ABL1: variants seen among roughly 807,000 people sequenced by gnomAD.
ABL1 encodes the protein tyrosine-protein kinase ABL1.
A neutral mutation model predicts 94.7 loss-of-function variants in ABL1; 11 were observed. That is an observed-to-expected ratio of 0.12 (90% CI 0.07 to 0.19). The LOEUF (loss-of-function observed/expected upper bound fraction) is 0.19. Ranked by LOEUF, ABL1 falls within the 10% of genes least tolerant of loss-of-function variation. The pLI is 1.00. For missense variants in ABL1, 1,082 were observed against 1,489.4 expected (o/e 0.73, Z 4.50); for synonymous variants, 656 against 622.4 (o/e 1.05, Z -0.80).
At chr9:130,834,828 G>A, upstream of ABL1, 1 of 452,028 alleles carries the variant, frequency 2.2e-6, no homozygotes, top group South Asian at 1.6e-5. Context: ...GTAGAAATGA[G>A]ACCAGTTAGT....
At chr9:130,849,153 C>A (rs926807160) in intron 1 of ABL1, among the ~76,000 whole-genome samples, 2 of 152,076 alleles carry the variant, frequency 1.3e-5, no homozygotes, top group African/African-American at 4.8e-5. Flanking sequence ...TTTTGAGTGG[C>A]TTTTAAAATA....
upstream of ABL1, among the ~76,000 whole-genome samples, chr9:130,831,488 G>A (rs2132896721): frequency 6.6e-6 from 1 of 152,282 alleles, no homozygotes; most frequent in East Asian, 1.9e-4. Flanking sequence ...CTAGAACTAT[G>A]CCTATCTTAA....
rs551405364 is a variant in ABL1 at position 130,759,195 on chromosome 9, A to G, written c.136+44740A>G. Among the ~76,000 whole-genome samples the G allele has an allele frequency of 1.1e-3, 167 of 152,290 alleles. 1 individual carries two copies. The highest frequency in any genetic ancestry group is 4.0e-3 in the African/African-American group (165 of 41,554). On this transcript the variant is annotated intron_variant, in intron 1 of 10. Coordinates refer to the ABL1 transcript ENST00000372348. Reference sequence around the variant, plus strand: ...CTTCCCAATTTGCTTCAAATGCCAAATGATCATAGAATGGTCAACATTGAG... The same window carrying G: ...CTTCCCAATTTGCTTCAAATGCCAAGTGATCATAGAATGGTCAACATTGAG...
intron 1 of ABL1, among the ~76,000 whole-genome samples, chr9:130,830,236 AT>A (rs1830478160): frequency 6.6e-6 from 1 of 152,120 alleles, no homozygotes; most frequent in Non-Finnish European, 1.5e-5. Context: ...CTGTAATGAG[AT>A]TTTCTAGAAA....
At chr9:130,741,633 C>A (rs73553876) in intron 1 of ABL1, among the ~76,000 whole-genome samples, 2 of 151,292 alleles carry the variant, frequency 1.3e-5, no homozygotes, top group Non-Finnish European at 2.9e-5. Flanking sequence ...GTAACAGTTA[C>A]TGCACTGATA....
At chr9:130,785,693 C>T (rs1171866640) in intron 1 of ABL1, among the ~76,000 whole-genome samples, 1 of 151,962 alleles carries the variant, frequency 6.6e-6, no homozygotes, top group East Asian at 1.9e-4. Flanking sequence ...GAGGCCAAGG[C>T]GGGCAGATCA....
intron 1 of ABL1, among the ~76,000 whole-genome samples, chr9:130,771,867 C>T (rs1355500143): frequency 4.0e-5 from 6 of 151,758 alleles, no homozygotes; most frequent in Admixed American, 1.3e-4. Context: ...AATCCTCCCA[C>T]CTCAGCCTCC....
chr9:130,804,381 G>A (rs1830097690), intron 1 of ABL1, among the ~76,000 whole-genome samples: 1 of 152,170 alleles, frequency 6.6e-6, no homozygotes, highest in Admixed American at 6.5e-5. Flanking sequence ...GAGGTCAGGA[G>A]TTCGAGACAA....
intron 1 of ABL1, among the ~76,000 whole-genome samples, chr9:130,773,091 C>T (rs982197715): frequency 6.6e-6 from 1 of 152,158 alleles, no homozygotes. Flanking sequence ...GAGGCCAAGG[C>T]GGGTGGATCA....
intron 3 of ABL1, among the ~76,000 whole-genome samples, chr9:130,858,361 T>G (rs1230940678): frequency 6.6e-6 from 1 of 152,076 alleles, no homozygotes; most frequent in Non-Finnish European, 1.5e-5. Context: ...TTTGTTTCAT[T>G]CCAGGTAGAG....
At chr9:130,793,697 A>G (rs547211466) in intron 1 of ABL1, among the ~76,000 whole-genome samples, 7 of 152,124 alleles carry the variant, frequency 4.6e-5, no homozygotes, top group East Asian at 1.9e-4. Context: ...GGGGTCCCCA[A>G]TCCCCAGGCC....
intron 1 of ABL1, among the ~76,000 whole-genome samples, chr9:130,769,792 G>C (rs1028053541): frequency 1.3e-5 from 2 of 152,056 alleles, no homozygotes; most frequent in East Asian, 3.9e-4. Flanking sequence ...TTGAGATACA[G>C]AACAGTTCTA....
At chr9:130,802,889 T>C (rs1483095692) in intron 1 of ABL1, among the ~76,000 whole-genome samples, 2 of 152,192 alleles carry the variant, frequency 1.3e-5, no homozygotes, top group Non-Finnish European at 2.9e-5. Flanking sequence ...ACAAATGTGT[T>C]TCTCTCTGAG....
intron 1 of ABL1, among the ~76,000 whole-genome samples, chr9:130,763,124 G>A (rs1229120104): frequency 1.3e-5 from 2 of 151,428 alleles, no homozygotes; most frequent in South Asian, 2.1e-4. Context: ...TTCAGCCTCA[G>A]GGCCTTTGCA....
At chr9:130,764,774 G>GGT (rs1832159179) in intron 1 of ABL1, among the ~76,000 whole-genome samples, 1 of 152,102 alleles carries the variant, frequency 6.6e-6, no homozygotes, top group African/African-American at 2.4e-5. Context: ...TGGCTAACAT[G>GGT]GTGAAACCCT....
intron 1 of ABL1, among the ~76,000 whole-genome samples, chr9:130,742,450 G>A (rs991487597): frequency 2.0e-5 from 3 of 152,168 alleles, no homozygotes; most frequent in African/African-American, 7.2e-5. Context: ...TAGATTTACA[G>A]ATGATGGGCC....
intron 1 of ABL1, among the ~76,000 whole-genome samples, chr9:130,744,071 T>C (rs1831853097): frequency 7.0e-6 from 1 of 142,838 alleles, no homozygotes; most frequent in Non-Finnish European, 1.5e-5. Context: ...ATTTATTAAC[T>C]TTTTTTTTTT....
intron 4 of ABL1, among the ~76,000 whole-genome samples, chr9:130,867,928 C>G (rs992114661): frequency 1.4e-5 from 2 of 147,802 alleles, no homozygotes; most frequent in African/African-American, 5.2e-5. Flanking sequence ...TAACTCTATC[C>G]CTCCAGTGGT....
rs761750284 is a variant in ABL1, at chr9:130,854,067, C to A, written c.83C>A (p.Ala28Asp). The A allele has an allele frequency of 1.9e-6, 3 of 1,606,106 alleles. No individual in the cohort carries two copies. The highest frequency in any genetic ancestry group is 2.2e-5 in the South Asian group (2 of 89,362). Residue 28 changes from alanine to aspartate, a missense_variant, in exon 2 of 11, where the codon GCC (alanine) becomes GAC (aspartate). Ala to Asp is a moderately radical substitution (Grantham distance 126). Transcript: ENST00000318560. ...TGTTCCCCCCTTTCTCTTCCAGAAG[C>A]CCTTCAGCGGCCAGTAGCATCTGAC... Reference protein sequence around the residue: ...SSSSSCYLEEALQRPVASDFE... With the variant: ...SSSSSCYLEEDLQRPVASDFE...
Sources: allele counts gnomAD v4.1 joint callset (sites outside exome capture counted in the v4.1 genomes callset), GRCh38; gene constraint gnomAD v4.1.1; transcripts MANE v1.5; gene names NCBI Gene and HGNC (gene_info 2026-07-23, HGNC 2026-07-21).